Variants in ADGRG4 observed in about 807,000 individuals in gnomAD.
ADGRG4 encodes adhesion G protein-coupled receptor G4.
A neutral mutation model predicts 126.2 loss-of-function variants in ADGRG4; 122 were observed. The observed-to-expected ratio is 0.97, with a 90% confidence interval of 0.83 to 1.12. The LOEUF (loss-of-function observed/expected upper bound fraction) is 1.12. Ranked by LOEUF, ADGRG4 falls within the 50% of genes most tolerant of loss-of-function variation. The pLI is 0.00. For synonymous variants in ADGRG4, 943 were observed against 838.7 expected (o/e 1.12, Z -2.15); for missense variants, 2,481 against 2,251.8 (o/e 1.10, Z -2.06).
rs752236223 is a variant in ADGRG4 at position 136,347,921 on chromosome X, C to A, written c.4215C>A (p.His1405Gln). The A allele has an allele frequency of 8.3e-7, 1 of 1,206,926 alleles. No homozygotes were observed. The highest frequency in any genetic ancestry group is 1.1e-6 in the Non-Finnish European group (1 of 890,909). Residue 1405 changes from histidine to glutamine, a missense_variant, in exon 6 of 26, where the codon CAC becomes CAA. Transcript: ENST00000394143. ...EMIVNSTYVT[H>Q]SVSYGQDTSF... Reference sequence around the variant, plus strand: ...TAGTAAACTCCACCTATGTGACTCACTCTGTCTCATATGGCCAGGATACTT... The same window carrying A: ...TAGTAAACTCCACCTATGTGACTCAATCTGTCTCATATGGCCAGGATACTT...
chrX:136,345,602 G>GGCACCCA lies in ADGRG4; in HGVS notation c.1901_1902insCAGCACC (p.Glu635SerfsTer3). ...CCACTAGATCAGCTTCCACATCCAA[G>GGCACCCA]GCACCTGAGTCAGGTCCCACATCCA... On this transcript the variant is annotated frameshift_variant, in exon 6 of 26. Transcript: ENST00000394143. LOFTEE classifies it high-confidence loss of function. 1 of 1,210,627 alleles carries GGCACCCA rather than the reference G, an allele frequency of 8.3e-7. No individual in the cohort carries two copies. The highest frequency in any genetic ancestry group is 1.1e-6 in the Non-Finnish European group (1 of 895,070).
intron 13 of ADGRG4, among the ~76,000 whole-genome samples, chrX:136,367,819 C>A (rs1301002502): frequency 8.9e-6 from 1 of 112,357 alleles, no homozygotes; most frequent in African/African-American, 3.2e-5. Context: ...AAAAACTCTT[C>A]TGCTCTCTCA....
chrX:136,397,985 G>A lies in ADGRG4; in HGVS notation c.8289G>A (p.Val2763=). The A allele has an allele frequency of 5.8e-6, 7 of 1,207,890 alleles. No homozygotes were observed. The highest frequency in any genetic ancestry group is 1.8e-5 in the South Asian group (1 of 56,798). Residue 2763 remains valine (V), a synonymous_variant, in exon 20 of 26, where the codon GTG becomes GTA. Coordinates refer to ENST00000394143, the MANE Select transcript of ADGRG4 (RefSeq NM_153834.4). ...CCATTTTTCTGGGAGTTGCAGTGGT[G>A]ACATACATAGCTTTTCAGTAAGTTG... ...ISSIFLGVAV[V]TYIAFHKLRK...
At chrX:136,342,877 T>G (rs1377592247) in intron 5 of ADGRG4, among the ~76,000 whole-genome samples, 2 of 88,326 alleles carry the variant, frequency 2.3e-5, no homozygotes, top group African/African-American at 4.6e-5. Flanking sequence ...TAAAGAGAGC[T>G]CAGTGTGTGT....
intron 21 of ADGRG4, among the ~76,000 whole-genome samples, chrX:136,401,205 A>G (rs2075377415): frequency 8.9e-6 from 1 of 111,985 alleles, no homozygotes; most frequent in Non-Finnish European, 1.9e-5. Context: ...TCGGAAGCAC[A>G]GAGACAAAAG....
chrX:136,346,603 T>G lies in ADGRG4; in HGVS notation c.2897T>G (p.Leu966Arg), dbSNP rs1224221004. ...AGCACACATATATTCGGTGAACCCC[T>G]GGGTGCTTCTACCACAAGGATATCA... ...SGSTHIFGEP[L>R]GASTTRISET... The change falls in exon 6 of 26, where the codon CTG becomes CGG. Residue 966 changes from leucine (L) to arginine (R), a missense_variant. Transcript: ENST00000394143. 1 of 1,210,609 alleles carries G rather than the reference T, an allele frequency of 8.3e-7. No homozygotes were observed. The highest frequency in any genetic ancestry group is 2.2e-5 in the Admixed American group (1 of 46,031).
At chrX:136,327,893 T>C (rs1183927841) in intron 5 of ADGRG4, among the ~76,000 whole-genome samples, 2 of 111,263 alleles carry the variant, frequency 1.8e-5, no homozygotes, top group Non-Finnish European at 3.8e-5. Context: ...ACTAGATATA[T>C]ATGGTAAAAG....
Position 136,346,481 on chromosome X carries a change from T to A in ADGRG4, c.2775T>A (p.Asn925Lys), listed in dbSNP as rs1216514012. 8.3e-7 allele frequency: 1 copy of A among 1,210,792 alleles called. No individual in the cohort carries two copies. The highest frequency in any genetic ancestry group is 1.1e-6 in the Non-Finnish European group (1 of 894,702). Reference sequence around the variant, plus strand: ...AAACCACACCTAGGAGTTCATACAATGAAATGACAGAAATGTTTAATTTTA... The same window carrying A: ...AAACCACACCTAGGAGTTCATACAAAGAAATGACAGAAATGTTTAATTTTA... The part of the protein sequence containing the change: ...LVKTTPRSSY[N>K]EMTEMFNFNH... Residue 925 changes from asparagine (N) to lysine (K), a missense_variant, in exon 6 of 26, where the codon AAT becomes AAA. Transcript: ENST00000394143.
At position 136,398,013 on chromosome X, in the gene ADGRG4, A is replaced by G. The variant is rs746161140; in HGVS notation, c.8306+11A>G. ...ATACATAGCTTTTCAGTAAGTTGAT[A>G]CAGCCTTGCTCTGAGCACATTTAAT... On this transcript the variant is annotated intron_variant, in intron 20 of 25. Transcript: ENST00000394143. 3 of 1,204,479 alleles carry G rather than the reference A, an allele frequency of 2.5e-6. No homozygotes were observed. The highest frequency in any genetic ancestry group is 3.0e-5 in the East Asian group (1 of 33,749).
At chrX:136,378,032 C>T (rs1181144015) in intron 15 of ADGRG4, among the ~76,000 whole-genome samples, 5 of 110,538 alleles carry the variant, frequency 4.5e-5, no homozygotes, top group African/African-American at 9.9e-5. Flanking sequence ...GCTGAGATTA[C>T]GATTTGGATT....
chrX:136,308,188 C>T (rs1346326658), intron 3 of ADGRG4, among the ~76,000 whole-genome samples: 1 of 112,858 alleles, frequency 8.9e-6, no homozygotes, highest in Non-Finnish European at 1.9e-5. Flanking sequence ...ACTGCAACCT[C>T]CGCCTCCCAG....
In ADGRG4 at chrX:136,320,452, A is replaced by G. The variant is rs780927569; in HGVS notation, c.71-2326A>G. 5.3e-5 allele frequency among the ~76,000 whole-genome samples: 6 copies of G among 112,397 alleles called. No individual in the cohort carries two copies. In the South Asian group the frequency reaches 1.5e-3, roughly 28 times the overall value. On this transcript the variant is annotated intron_variant, in intron 4 of 25. Transcript: ENST00000394143. ...TTCCCCACAGGCTTGCCAAAGCTGG[A>G]TATTCTGTCTTCTAAAATTCTATCA...
chrX:136,397,674 C>T (rs937244903), intron 19 of ADGRG4, among the ~76,000 whole-genome samples: 6 of 110,850 alleles, frequency 5.4e-5, no homozygotes, highest in African/African-American at 1.6e-4. Flanking sequence ...GATGGCTCCC[C>T]ATGCCCTGTA....
At position 136,346,129 on chromosome X, in the gene ADGRG4, C is replaced by T. The variant is rs2075015400; in HGVS notation, c.2423C>T (p.Thr808Ile). The change falls in exon 6 of 26, where the codon ACC becomes ATC. Residue 808 changes from threonine to isoleucine, a missense_variant. Physicochemically the swap from Thr to Ile is moderately conservative, Grantham distance 89 (BLOSUM62 -1). Coordinates refer to ENST00000394143, the MANE Select transcript of ADGRG4 (RefSeq NM_153834.4). ...TCTACTGAGGAAAGTGCTTCTGAGA[C>T]CACACAAACAGAAATAAATGGTGCA... ...NFSTEESASE[T>I]TQTEINGAIV... The T allele has an allele frequency of 1.7e-6, 2 of 1,209,148 alleles. No individual in the cohort carries two copies. The highest frequency in any genetic ancestry group is 3.0e-5 in the East Asian group (1 of 33,829).
At chrX:136,313,860 A>G in intron 4 of ADGRG4, among the ~76,000 whole-genome samples, 1 of 111,293 alleles carries the variant, frequency 9.0e-6, no homozygotes, top group Non-Finnish European at 1.9e-5. Flanking sequence ...GGGAGCTGTT[A>G]GCATCACAAC....
At chrX:136,354,684 G>A (rs1169570027) in intron 8 of ADGRG4, among the ~76,000 whole-genome samples, 1 of 111,583 alleles carries the variant, frequency 9.0e-6, no homozygotes, top group Admixed American at 9.5e-5. Context: ...CAGAACTTCT[G>A]ACTAACTGAC....
chrX:136,328,417 T>C (rs918306562), intron 5 of ADGRG4, among the ~76,000 whole-genome samples: 1 of 112,031 alleles, frequency 8.9e-6, no homozygotes, highest in Non-Finnish European at 1.9e-5. Context: ...AGACACATGA[T>C]CAAACAAAGG....
chrX:136,358,964 A>G (rs1276535230), intron 10 of ADGRG4, among the ~76,000 whole-genome samples: 1 of 112,391 alleles, frequency 8.9e-6, no homozygotes, highest in Non-Finnish European at 1.9e-5. Context: ...CTGAAATAAT[A>G]AATCCTGAAA....
At chrX:136,394,772 G>A (rs1285950213) in intron 18 of ADGRG4, among the ~76,000 whole-genome samples, 1 of 112,152 alleles carries the variant, frequency 8.9e-6, no homozygotes, top group African/African-American at 3.2e-5. Flanking sequence ...TAACCCCTTT[G>A]GTCTAGTGCC....
Sources: gnomAD v4.1 joint callset for allele counts (sites outside exome capture counted in the v4.1 genomes callset) on GRCh38, gnomAD v4.1.1 for gene constraint, MANE v1.5 for transcripts, NCBI Gene and HGNC (gene_info 2026-07-23, HGNC 2026-07-21) for gene names.